Variants in PLCE1 observed in about 807,000 individuals in gnomAD.
PLCE1 encodes the protein phospholipase C epsilon 1, also known as 1-phosphatidylinositol 4,5-bisphosphate phosphodiesterase epsilon-1.
PLCE1 carries 119 observed loss-of-function variants against 242.8 expected under a neutral mutation model. That is an observed-to-expected ratio of 0.49 (90% CI 0.42 to 0.57). The LOEUF (loss-of-function observed/expected upper bound fraction) is 0.57, where lower values mean the gene tolerates loss of function less well. Ranked by LOEUF, PLCE1 falls within the 20% of genes least tolerant of loss-of-function variation. The pLI is 0.00. For missense variants in PLCE1, 2,441 were observed against 2,788.8 expected, an observed-to-expected ratio of 0.88 and a Z score of 2.81; for synonymous variants, 945 against 1,017.4, an observed-to-expected ratio of 0.93 and a Z score of 1.35.
intron 2 of PLCE1, chr10:94,106,183 A>G (rs1208894198): frequency 6.6e-6 from 1 of 152,186 alleles, no homozygotes; most frequent in African/African-American, 2.4e-5. Flanking sequence ...AAAAGTAACA[A>G]TTTTTCACCC....
intron 22 of PLCE1, among the ~76,000 whole-genome samples, chr10:94,285,362 G>A (rs185941425): frequency 6.6e-6 from 1 of 152,282 alleles, no homozygotes; most frequent in Admixed American, 6.5e-5. Flanking sequence ...TGAGAGGGAT[G>A]AAGTAATTTG....
chr10:94,325,662 T>C (rs1316512724), intron 32 of PLCE1: 1 of 152,118 alleles, frequency 6.6e-6, no homozygotes, highest in Non-Finnish European at 1.5e-5. Context: ...TTAGACCCCT[T>C]ATTTATTTTG....
intron 13 of PLCE1, 57 bp downstream of exon 13, chr10:94,259,207 C>G (rs1782842270): frequency 6.5e-7 from 1 of 1,545,622 alleles, no homozygotes; most frequent in Non-Finnish European, 8.9e-7. Context: ...AACTTAAGGT[C>G]AGAGGTCCAG....
At chr10:94,270,342 G>A in intron 17 of PLCE1, 144 bp from the exon 18 acceptor site, 1 of 743,430 alleles carries the variant, frequency 1.3e-6, no homozygotes, top group South Asian at 1.4e-5. Context: ...TTATCCTCAT[G>A]CTTCATTTGA....
chr10:94,259,348 A>G (rs181340765), intron 13 of PLCE1, among the ~76,000 whole-genome samples, 198 bp downstream of exon 13: 126 of 151,882 alleles, frequency 8.3e-4, no homozygotes, highest in African/African-American at 2.8e-3. Flanking sequence ...CAGTGGTGCA[A>G]TCTCAGCTCA....
rs552438189 is a variant in PLCE1 at position 94,055,302 on chromosome 10, A to G, written c.1206+23050A>G. 7.8e-5 allele frequency among the ~76,000 whole-genome samples: 11 copies of G among 141,904 alleles called. No individual in the cohort carries two copies. The South Asian group carries it at 2.4e-3, about 31-fold the overall frequency. The allele number at this position is 141,904 out of a possible 152,430, so 93.1% of individuals were successfully genotyped here. Reference sequence around the variant, plus strand: ...ATTGCCTAAGTTGTAAATGTTTATTATTTTTGTTGTCTTATTTTTTTTTTT... The same window carrying G: ...ATTGCCTAAGTTGTAAATGTTTATTGTTTTTGTTGTCTTATTTTTTTTTTT... On this transcript the variant is annotated intron_variant, in intron 2 of 32. Coordinates refer to ENST00000371380, the MANE Select transcript of PLCE1 (RefSeq NM_016341.4).
chr10:94,205,697 A>C (rs529774257), intron 4 of PLCE1, among the ~76,000 whole-genome samples: 3 of 152,328 alleles, frequency 2.0e-5, no homozygotes, highest in African/African-American at 7.2e-5. Flanking sequence ...GCAGCCCCAA[A>C]ATGCATCTGC....
chr10:94,259,874 G>A (rs1375244337), intron 13 of PLCE1, among the ~76,000 whole-genome samples: 2 of 152,112 alleles, frequency 1.3e-5, no homozygotes, highest in Admixed American at 6.5e-5. Flanking sequence ...GAAGATGAAA[G>A]GCGTGTCTCA....
intron 2 of PLCE1, among the ~76,000 whole-genome samples, chr10:94,091,131 T>C (rs1358608244): frequency 6.6e-6 from 1 of 152,190 alleles, no homozygotes; most frequent in Admixed American, 6.5e-5. Flanking sequence ...AGAGGGAAAA[T>C]TGTTCAGGTA....
At chr10:94,072,986 G>C (rs2044403119) in intron 2 of PLCE1, among the ~76,000 whole-genome samples, 1 of 152,060 alleles carries the variant, frequency 6.6e-6, no homozygotes, top group Non-Finnish European at 1.5e-5. Flanking sequence ...AGCATTTCCA[G>C]CTGCAGAGCC....
At chr10:94,280,137 T>C in intron 20 of PLCE1, 1 of 559,154 alleles carries the variant, frequency 1.8e-6, no homozygotes, top group Non-Finnish European at 3.2e-6. Flanking sequence ...TTACAGGGAG[T>C]CATTCCTACG....
intron 2 of PLCE1, among the ~76,000 whole-genome samples, chr10:94,042,199 T>C (rs989457098): frequency 6.6e-6 from 1 of 152,206 alleles, no homozygotes; most frequent in Non-Finnish European, 1.5e-5. Context: ...TGATTTGGAA[T>C]GAATCTTGTG....
chr10:94,320,979 T>C (rs2053778576), intron 29 of PLCE1, among the ~76,000 whole-genome samples: 2 of 152,222 alleles, frequency 1.3e-5, no homozygotes, highest in Admixed American at 6.5e-5. Flanking sequence ...TTCTTATTGA[T>C]ACGCTTCTGT....
At chr10:94,220,934 G>T (rs1299172321) in intron 4 of PLCE1, among the ~76,000 whole-genome samples, 1 of 152,176 alleles carries the variant, frequency 6.6e-6, no homozygotes, top group Non-Finnish European at 1.5e-5. Flanking sequence ...ACACCGTGCT[G>T]CCTCCCTCCA....
intron 3 of PLCE1, among the ~76,000 whole-genome samples, chr10:94,152,628 A>G (rs1017081827): frequency 6.6e-6 from 1 of 152,220 alleles, no homozygotes; most frequent in African/African-American, 2.4e-5. Context: ...TTCCTCATCT[A>G]TAAAATGGAA....
intron 5 of PLCE1, among the ~76,000 whole-genome samples, chr10:94,229,080 G>C (rs1354933544): frequency 6.6e-6 from 1 of 151,960 alleles, no homozygotes; most frequent in Admixed American, 6.6e-5. Context: ...TACTCAGGAG[G>C]CTGAGGCAGG....
rs74231357 is a variant in PLCE1 at position 94,308,951 on chromosome 10, C to T, written c.6003+252C>T. On this transcript the variant is annotated intron_variant, in intron 27 of 32. Coordinates refer to ENST00000371380, the MANE Select transcript of PLCE1 (RefSeq NM_016341.4). ...CAGATGAGAAAGGTAGAGCTAAGTA[C>T]ATCTGAGGTCACACAGCTAGCAAGC... Among the ~76,000 whole-genome samples, 383 of 152,274 alleles carry T rather than the reference C, an allele frequency of 2.5e-3. 3 individuals are homozygous for T. The highest frequency in any genetic ancestry group is 7.7e-3 in the African/African-American group (319 of 41,560).
chr10:94,052,353 C>T (rs566783004), intron 2 of PLCE1, among the ~76,000 whole-genome samples: 1 of 152,292 alleles, frequency 6.6e-6, no homozygotes, highest in South Asian at 2.1e-4. Flanking sequence ...TGAGTCCCTC[C>T]TCCCTACTTC....
chr10:94,195,367 G>A (rs530528347), intron 4 of PLCE1, among the ~76,000 whole-genome samples: 33 of 152,104 alleles, frequency 2.2e-4, no homozygotes, highest in African/African-American at 8.0e-4. Flanking sequence ...TGTGATTTGG[G>A]GACTAAGTGC....
Sources: gnomAD v4.1 joint callset for allele counts (sites outside exome capture counted in the v4.1 genomes callset) on GRCh38, gnomAD v4.1.1 for gene constraint, MANE v1.5 for transcripts, NCBI Gene and HGNC (gene_info 2026-07-23, HGNC 2026-07-21) for gene names.